Variants in INPP5B observed in about 807,000 individuals in gnomAD.
The protein encoded by INPP5B is type II inositol 1,4,5-trisphosphate 5-phosphatase.
INPP5B carries 90 observed loss-of-function variants against 118.5 expected under a neutral mutation model. The observed-to-expected ratio is 0.76, with a 90% CI of 0.64 to 0.90. The LOEUF is 0.90. Ranked by LOEUF, INPP5B falls within the 40% of genes least tolerant of loss-of-function variation. The probability of loss-of-function intolerance (pLI) is 0.00; values close to 1 mark genes in which losing one functional copy is unlikely to be tolerated. For missense variants in INPP5B, 984 were observed against 1,125.6 expected, an observed-to-expected ratio of 0.87 and a Z score of 1.80; for synonymous variants, 385 against 418.9, an observed-to-expected ratio of 0.92 and a Z score of 0.99.
At chr1:37,927,321 G>A (rs973768599) in intron 7 of INPP5B, among the ~76,000 whole-genome samples, 5 of 151,980 alleles carry the variant, frequency 3.3e-5, no homozygotes, top group South Asian at 2.1e-4. Flanking sequence ...AGTTAAATAA[G>A]TGCAGGAGCA....
At chr1:37,932,959 G>A (rs1045078088) in intron 6 of INPP5B, among the ~76,000 whole-genome samples, 1 of 152,118 alleles carries the variant, frequency 6.6e-6, no homozygotes, top group Non-Finnish European at 1.5e-5. Context: ...CAAACCCTCT[G>A]ACTCAAACTA....
intron 5 of INPP5B, 152 bp from the exon 6 acceptor site, chr1:37,940,950 G>T: frequency 3.4e-6 from 2 of 582,694 alleles, no homozygotes; most frequent in Admixed American, 6.1e-5. Context: ...GGGACAACAA[G>T]GAAACCCTCT....
chr1:37,886,948 AT>A lies in INPP5B; in HGVS notation c.1070del (p.His357LeufsTer41). 6.2e-7 allele frequency: 1 copy of A among 1,614,222 alleles called. No homozygotes were observed. Among genetic ancestry groups the A allele is most frequent in the Non-Finnish European group, 8.5e-7 (1 of 1,180,042 alleles). ...CTTCCACTTCTGAGATATAAGCTGC[AT>A]GCTCCTGTTTGACATATAACAGCAG... ...IMLLLYVKQE[H>X]AAYISEVEAE... On this transcript the variant is annotated frameshift_variant, in exon 12 of 24. Transcript: ENST00000373024. LOFTEE classifies it high-confidence loss of function.
chr1:37,868,385 C>T, intron 20 of INPP5B, 116 bp downstream of exon 20: 1 of 679,870 alleles, frequency 1.5e-6, no homozygotes, highest in South Asian at 1.6e-5. Flanking sequence ...ATCCTTCCTC[C>T]CCTCCCTGGG....
intron 7 of INPP5B, among the ~76,000 whole-genome samples, chr1:37,917,339 T>TATATATATATATATA (rs1557694463): frequency 4.6e-4 from 55 of 120,598 alleles, no homozygotes; most frequent in Middle Eastern, 4.3e-3. Flanking sequence ...TATATATATA[T>TATATATATATATATA]TTGAGAAAGG....
At chr1:37,916,410 C>CTT (rs1557692693) in intron 7 of INPP5B, among the ~76,000 whole-genome samples, 3 of 147,296 alleles carry the variant, frequency 2.0e-5, no homozygotes, top group African/African-American at 2.5e-5. Flanking sequence ...CTTTTTCTTT[C>CTT]ATTTTTTTTT....
At chr1:37,878,122 A>G in intron 16 of INPP5B, 66 bp downstream of exon 16, 2 of 1,555,454 alleles carry the variant, frequency 1.3e-6, no homozygotes, top group Non-Finnish European at 1.8e-6. Context: ...AAAGACAAGA[A>G]ATGGTCTTAG....
intron 19 of INPP5B, chr1:37,870,823 C>A (rs192126401): frequency 5.3e-5 from 8 of 152,188 alleles, no homozygotes; most frequent in Admixed American, 5.2e-4. Flanking sequence ...TACTGAAAAA[C>A]GTGGTCACAG....
At chr1:37,924,256 C>A (rs1645150070) in intron 7 of INPP5B, among the ~76,000 whole-genome samples, 2 of 152,072 alleles carry the variant, frequency 1.3e-5, no homozygotes, top group South Asian at 4.2e-4. Context: ...GCAACCTCCA[C>A]CTCTGGGGTT....
rs1466848861 is a variant in INPP5B, at chr1:37,862,273, T to C, written c.*42A>G. On this transcript the variant is annotated 3_prime_UTR_variant, in exon 24 of 24. Transcript: ENST00000373024. ...TCTCTTGAGCTGAAACAGGTGGGGC[T>C]GGTAATTGGCAGCCTCAAGTAAAAT... is the stretch of plus-strand genomic sequence containing the variant. The C allele has an allele frequency of 7.8e-7, 1 of 1,282,248 alleles. No individual in the cohort carries two copies. The highest frequency in any genetic ancestry group is 1.1e-6 in the Non-Finnish European group (1 of 878,878). The allele number at this position is 1,282,248 out of a possible 1,614,324, so 79.4% of individuals were successfully genotyped here. A position where few individuals can be genotyped will look rare whatever the true frequency, so the allele number is the denominator to read the frequency against.
Position 37,885,821 on chromosome 1 carries a change from T to C in INPP5B, c.1136A>G (p.Asn379Ser). 6.2e-7 allele frequency: 1 copy of C among 1,613,778 alleles called. No individual in the cohort carries two copies. The highest frequency in any genetic ancestry group is 8.5e-7 in the Non-Finnish European group (1 of 1,179,742). Residue 379 changes from asparagine to serine, a missense_variant, in exon 13 of 24, where the codon AAC (asparagine) becomes AGC (serine). Around this residue, in one of 2 missense-constraint regions of INPP5B, gnomAD observed 634 missense variants for 791.0 expected, o/e 0.80. Coordinates refer to ENST00000373024, the MANE Select transcript of INPP5B (RefSeq NM_005540.3). ...GAACCTGATCGCCACGCCTCCCTTG[T>C]TGCCCTATGGAAAGGATCCCCAAAG... ...VGTGIMGRMG[N>S]KGGVAIRFQF...
intron 20 of INPP5B, among the ~76,000 whole-genome samples, chr1:37,866,834 C>T (rs1395629150): frequency 6.6e-6 from 1 of 152,130 alleles, no homozygotes; most frequent in Non-Finnish European, 1.5e-5. Flanking sequence ...ATGTGTCCTG[C>T]AGTGGTATAG....
intron 7 of INPP5B, among the ~76,000 whole-genome samples, chr1:37,893,562 G>C (rs1367411715): frequency 6.6e-6 from 1 of 152,082 alleles, no homozygotes; most frequent in Non-Finnish European, 1.5e-5. Flanking sequence ...CATCTCCCCT[G>C]AATGACTATA....
chr1:37,919,618 T>C (rs1245740500), intron 7 of INPP5B, among the ~76,000 whole-genome samples: 1 of 152,146 alleles, frequency 6.6e-6, no homozygotes, highest in African/African-American at 2.4e-5. Flanking sequence ...AATGATAGTA[T>C]TATAAATACT....
intron 7 of INPP5B, among the ~76,000 whole-genome samples, chr1:37,900,193 T>G (rs550097733): frequency 6.2e-4 from 93 of 151,194 alleles, no homozygotes; most frequent in African/African-American, 2.2e-3. Context: ...GCAATTCTCG[T>G]GCTTCAGCCT....
intron 8 of INPP5B, among the ~76,000 whole-genome samples, chr1:37,890,921 T>C (rs774866886): frequency 6.6e-6 from 1 of 152,088 alleles, no homozygotes; most frequent in Non-Finnish European, 1.5e-5. Flanking sequence ...CAAATAAATG[T>C]CAGGTATTAT....
At chr1:37,912,606 A>G (rs1644736511) in intron 7 of INPP5B, among the ~76,000 whole-genome samples, 2 of 152,126 alleles carry the variant, frequency 1.3e-5, no homozygotes, top group Non-Finnish European at 2.9e-5. Context: ...CCTTGTTTAC[A>G]CTGCTGGTTT....
intron 20 of INPP5B, among the ~76,000 whole-genome samples, chr1:37,867,656 A>T (rs908780804): frequency 5.9e-5 from 9 of 152,236 alleles, no homozygotes; most frequent in Middle Eastern, 3.4e-3. Context: ...ATATTTTTTT[A>T]AAAAAAGGAT....
chr1:37,925,412 A>ATATTTATC (rs1212394489), intron 7 of INPP5B, among the ~76,000 whole-genome samples: 3 of 152,106 alleles, frequency 2.0e-5, no homozygotes, highest in African/African-American at 7.2e-5. Flanking sequence ...TTTATTTTAT[A>ATATTTATC]TATTTATCTA....
Sources: gnomAD v4.1 joint callset for allele counts (sites outside exome capture counted in the v4.1 genomes callset) on GRCh38, gnomAD v4.1.1 for gene constraint, gnomAD v4.1.1 regional missense constraint, MANE v1.5 for transcripts, NCBI Gene and HGNC (gene_info 2026-07-23, HGNC 2026-07-21) for gene names.